Variants in PCDH11X observed in about 807,000 individuals in gnomAD.
PCDH11X encodes the protein protocadherin 11 X-linked.
PCDH11X carries 18 observed loss-of-function variants against 53.3 expected under a neutral mutation model. The ratio of observed to expected loss-of-function variants is 0.34; its 90% CI spans 0.23 to 0.50. PCDH11X has a LOEUF of 0.50. Among genes scored for constraint, PCDH11X ranks in the 20% least tolerant of loss-of-function variants. PCDH11X has a pLI of 0.98. For missense variants in PCDH11X, 570 were observed against 1,032.4 expected (o/e 0.55, Z 6.14); for synonymous variants, 279 against 393.3 (o/e 0.71, Z 3.44).
chrX:92,203,326 C>T (rs1224793850), intron 7 of PCDH11X, among the ~76,000 whole-genome samples: 1 of 112,586 alleles, frequency 8.9e-6, no homozygotes, highest in African/African-American at 3.2e-5. Context: ...TCATGGAAGC[C>T]ATGCATTCTG....
chrX:91,920,298 T>A (rs146210237), intron 6 of PCDH11X, among the ~76,000 whole-genome samples: 225 of 110,710 alleles, frequency 2.0e-3, no homozygotes, highest in Non-Finnish European at 3.3e-3. Flanking sequence ...GGACCATTTA[T>A]AGATGTTCTG....
intron 6 of PCDH11X, among the ~76,000 whole-genome samples, chrX:92,179,907 C>G (rs2065967124): frequency 8.9e-6 from 1 of 111,748 alleles, no homozygotes; most frequent in Admixed American, 9.5e-5. Flanking sequence ...ACTTGATCTA[C>G]CTGCAACATG....
At chrX:92,532,704 C>G (rs767417431) in intron 10 of PCDH11X, among the ~76,000 whole-genome samples, 14 of 107,367 alleles carry the variant, frequency 1.3e-4, no homozygotes, top group South Asian at 1.2e-3. Flanking sequence ...GAATAGAAAA[C>G]TCCACCAATT....
chrX:92,033,200 T>C (rs959179914), intron 6 of PCDH11X, among the ~76,000 whole-genome samples: 2 of 111,034 alleles, frequency 1.8e-5, no homozygotes, highest in African/African-American at 6.5e-5. Flanking sequence ...GGCTTGTAGT[T>C]TTCTTTCTTG....
intron 10 of PCDH11X, among the ~76,000 whole-genome samples, chrX:92,536,782 G>A (rs749987723): frequency 2.9e-5 from 3 of 104,799 alleles, no homozygotes; most frequent in East Asian, 3.1e-4. Context: ...CTCAGCCTCC[G>A]CAGTATCTGG....
chrX:91,957,343 T>C (rs1196285808), intron 6 of PCDH11X, among the ~76,000 whole-genome samples: 1 of 111,232 alleles, frequency 9.0e-6, no homozygotes, highest in Non-Finnish European at 1.9e-5. Flanking sequence ...GCACTCTGGC[T>C]TTTTGAGTTT....
chrX:92,100,546 T>A (rs1168095221), intron 6 of PCDH11X, among the ~76,000 whole-genome samples: 1 of 110,309 alleles, frequency 9.1e-6, no homozygotes, highest in Non-Finnish European at 1.9e-5. Context: ...CATTTACACT[T>A]CTGTTGTGGT....
rs144932520 is a variant in PCDH11X, at chrX:92,251,621, C to T, written c.3115-11493C>T. Among the ~76,000 whole-genome samples the T allele has an allele frequency of 7.5e-3, 827 of 110,824 alleles. 8 individuals are homozygous for T. Among genetic ancestry groups the T allele is most frequent in the African/African-American group, 0.026 (791 of 30,610 alleles). ...TAAAATGAGAATAATATTTTGCCCA[C>T]ATCGTAGGGTCAATGTAAGAATTAA... On this transcript the variant is annotated intron_variant, in intron 7 of 10. Transcript: ENST00000682573.
chrX:91,869,386 A>G (rs1163835279), intron 5 of PCDH11X, among the ~76,000 whole-genome samples: 1 of 111,276 alleles, frequency 9.0e-6, no homozygotes, highest in Non-Finnish European at 1.9e-5. Context: ...ACTAAAAACT[A>G]AGAGACTTGG....
At chrX:91,780,066 G>A (rs968890366) in intron 1 of PCDH11X, among the ~76,000 whole-genome samples, 7 of 112,097 alleles carry the variant, frequency 6.2e-5, no homozygotes, top group African/African-American at 2.3e-4. Flanking sequence ...ATTGGGGCGG[G>A]TGTTGACAAA....
chrX:91,822,864 G>C (rs1326030677), intron 4 of PCDH11X, among the ~76,000 whole-genome samples: 2 of 111,307 alleles, frequency 1.8e-5, no homozygotes, highest in East Asian at 5.7e-4. Context: ...AGAGATTCTG[G>C]TACGTTGTGT....
chrX:91,792,092 GCC>G (rs1384703711), intron 1 of PCDH11X, among the ~76,000 whole-genome samples: 2 of 108,068 alleles, frequency 1.9e-5, no homozygotes, highest in African/African-American at 6.8e-5. Flanking sequence ...CTCGTGATCC[GCC>G]CACCTCGGCC....
At chrX:91,994,821 T>C (rs770750849) in intron 6 of PCDH11X, among the ~76,000 whole-genome samples, 1 of 111,096 alleles carries the variant, frequency 9.0e-6, no homozygotes, top group South Asian at 3.8e-4. Context: ...GTTTTTACTG[T>C]TTTTTATAAT....
intron 10 of PCDH11X, among the ~76,000 whole-genome samples, chrX:92,579,435 T>C (rs1923388446): frequency 9.2e-6 from 1 of 108,654 alleles, no homozygotes; most frequent in Admixed American, 1.0e-4. Context: ...TCAGAGGTTT[T>C]ATTCATTCCT....
intron 4 of PCDH11X, among the ~76,000 whole-genome samples, chrX:91,829,429 C>CAG (rs1556240747): frequency 1.1e-5 from 1 of 89,815 alleles, no homozygotes; most frequent in Non-Finnish European, 2.2e-5. Context: ...CACACACACA[C>CAG]ACACACACAC....
intron 10 of PCDH11X, among the ~76,000 whole-genome samples, chrX:92,498,177 A>G (rs2073893416): frequency 9.0e-6 from 1 of 111,589 alleles, no homozygotes; most frequent in African/African-American, 3.3e-5. Context: ...AATTAATCAT[A>G]CCCTGTGACT....
chrX:92,552,994 C>CGTGTGTGTGTGTGT lies in PCDH11X; in HGVS notation c.3368-65243_3368-65230dup, dbSNP rs57655496. On this transcript the variant is annotated intron_variant, in intron 10 of 10. Coordinates refer to ENST00000682573, the MANE Select transcript of PCDH11X (RefSeq NM_032968.5). The stretch of plus-strand genomic sequence containing the variant: ...ATCACGGATATTGTCCTGCAATTTT[C>CGTGTGTGTGTGTGT]GTGTGTGTGTGTGTGTGTGTGTGTG... Among the ~76,000 whole-genome samples, 341 of 88,898 alleles carry CGTGTGTGTGTGTGT rather than the reference C, an allele frequency of 3.8e-3. 1 individual carries two copies. The highest frequency in any genetic ancestry group is 0.017 in the East Asian group (47 of 2,732). 77.2% of individuals were successfully genotyped at this position (88,898 alleles called of 115,157 possible).
chrX:92,586,728 T>C (rs1272524806), intron 10 of PCDH11X, among the ~76,000 whole-genome samples: 7 of 110,546 alleles, frequency 6.3e-5, no homozygotes, highest in African/African-American at 1.3e-4. Context: ...AGTGTATCCT[T>C]TGGCTGCTCT....
chrX:92,207,858 G>T (rs2148331148), intron 7 of PCDH11X, among the ~76,000 whole-genome samples: 1 of 111,608 alleles, frequency 9.0e-6, no homozygotes, highest in African/African-American at 3.3e-5. Context: ...ACATTAGAAA[G>T]AATGATCACT....
Sources: allele counts gnomAD v4.1 joint callset (sites outside exome capture counted in the v4.1 genomes callset), GRCh38; gene constraint gnomAD v4.1.1; transcripts MANE v1.5; gene names NCBI Gene and HGNC (gene_info 2026-07-23, HGNC 2026-07-21).